The following GPR19 variants were observed in gnomAD, a reference collection of about 807,000 sequenced individuals.
The protein encoded by GPR19 is G protein-coupled receptor 19.
Under a neutral mutation model 28.5 loss-of-function variants are expected in GPR19, and 14 were observed. That is an observed-to-expected ratio of 0.49 (90% CI 0.32 to 0.77). The LOEUF (loss-of-function observed/expected upper bound fraction) is 0.77, where lower values mean the gene tolerates loss of function less well. GPR19 is among the 30% of genes least tolerant of loss of function. The pLI is 0.03. For missense variants in GPR19, 409 were observed against 504.1 expected (o/e 0.81, Z 1.81); for synonymous variants, 173 against 184.1 (o/e 0.94, Z 0.49).
intron 2 of GPR19, among the ~76,000 whole-genome samples, chr12:12,693,827 G>A (rs1322353750): frequency 1.3e-4 from 19 of 151,990 alleles, no homozygotes; most frequent in Non-Finnish European, 8.8e-5. Flanking sequence ...CTCAGCCTCC[G>A]GAGTAGTTGG....
Position 12,660,946 on chromosome 12 carries a change from T to G in GPR19, c.*255A>C, listed in dbSNP as rs1044438370. Reference sequence around the variant, plus strand: ...CCAACAGTAAATAGTAAGAAAGCATTTTCTTTTTTATGCATGTAACTAATA... The same window carrying G: ...CCAACAGTAAATAGTAAGAAAGCATGTTCTTTTTTATGCATGTAACTAATA... On this transcript the variant is annotated 3_prime_UTR_variant, in exon 4 of 4. Transcript: ENST00000651487. 3 of 347,238 alleles carry G rather than the reference T, an allele frequency of 8.6e-6. No individual in the cohort carries two copies. The highest frequency in any genetic ancestry group is 6.3e-5 in the African/African-American group (3 of 47,366). 21.5% of individuals were successfully genotyped at this position (347,238 alleles called of 1,614,324 possible). A position where few individuals can be genotyped will look rare whatever the true frequency, so the allele number is the denominator to read the frequency against.
intron 3 of GPR19, among the ~76,000 whole-genome samples, chr12:12,669,631 A>T (rs1359480468): frequency 6.6e-6 from 1 of 152,202 alleles, no homozygotes; most frequent in East Asian, 1.9e-4. Flanking sequence ...TCATGTTGGC[A>T]TCATGAAGCA....
chr12:12,697,664 T>C (rs1946286714), upstream of GPR19, among the ~76,000 whole-genome samples: 1 of 152,238 alleles, frequency 6.6e-6, no homozygotes, highest in Non-Finnish European at 1.5e-5. Context: ...GCAGAGAATA[T>C]GTATGGACAT....
At chr12:12,671,234 A>G (rs1282868647) in intron 3 of GPR19, among the ~76,000 whole-genome samples, 2 of 151,630 alleles carry the variant, frequency 1.3e-5, no homozygotes, top group Non-Finnish European at 2.9e-5. Context: ...TGAACCAGGG[A>G]GGCAGAGGTT....
At chr12:12,697,159 A>AAAAAAAAC (rs1946278335), upstream of GPR19, among the ~76,000 whole-genome samples, 1 of 147,314 alleles carries the variant, frequency 6.8e-6, no homozygotes, top group African/African-American at 2.5e-5. Flanking sequence ...GAAGTAAAAA[A>AAAAAAAAC]AAAAAAAAAA....
intron 3 of GPR19, among the ~76,000 whole-genome samples, chr12:12,677,238 G>A (rs543666052): frequency 4.3e-5 from 6 of 140,536 alleles, no homozygotes; most frequent in Admixed American, 7.5e-5. Context: ...ACAGAGTCTC[G>A]TTCTGTCTCC....
rs777599600 is a variant in GPR19, at chr12:12,662,373, G to T, written c.76C>A (p.Arg26Ser). ...IPTLLVPLQN[R>S]SCTETATPLP... ...GGTGTGGCTGTTTCAGTGCAGCTGCGGTTTTGGAGGGGCACCAGAAGTGTA... is the reference window on the plus strand; with the variant it reads ...GGTGTGGCTGTTTCAGTGCAGCTGCTGTTTTGGAGGGGCACCAGAAGTGTA... The change falls in exon 4 of 4, where the codon CGC (arginine) becomes AGC (serine). Residue 26 changes from arginine (R) to serine (S), a missense_variant. Arg to Ser is a moderately radical substitution (Grantham distance 110). Coordinates refer to ENST00000651487, the MANE Select transcript of GPR19 (RefSeq NM_006143.3). The T allele has an allele frequency of 6.2e-7, 1 of 1,614,068 alleles. No individual in the cohort carries two copies. The highest frequency in any genetic ancestry group is 8.5e-7 in the Non-Finnish European group (1 of 1,180,032).
intron 3 of GPR19, among the ~76,000 whole-genome samples, chr12:12,679,850 T>C (rs1161265120): frequency 6.6e-6 from 1 of 152,196 alleles, no homozygotes; most frequent in African/African-American, 2.4e-5. Context: ...TTTGTGCTTA[T>C]TGGGTGTCTT....
intron 3 of GPR19, among the ~76,000 whole-genome samples, chr12:12,678,573 T>A (rs1945971217): frequency 6.6e-6 from 1 of 152,204 alleles, no homozygotes; most frequent in Admixed American, 6.5e-5. Flanking sequence ...TTAATAAGAA[T>A]CTACTAATGA....
In GPR19 at chr12:12,666,964, A is replaced by G. The variant is rs374444591; in HGVS notation, c.-22-4494T>C. 3.7e-4 allele frequency among the ~76,000 whole-genome samples: 56 copies of G among 152,340 alleles called. No homozygotes were observed. In the East Asian group the frequency reaches 0.01, roughly 28 times the overall value. The stretch of plus-strand genomic sequence containing the variant: ...GCCAAGGTAATTTAGGTGTCCTCAG[A>G]CAGGTTCTTGCACTTTCCTCCCAGA... On this transcript the variant is annotated intron_variant, in intron 3 of 3. Transcript: ENST00000651487.
upstream of GPR19, among the ~76,000 whole-genome samples, chr12:12,696,711 G>A (rs1378676831): frequency 1.3e-5 from 2 of 152,356 alleles, no homozygotes; most frequent in Non-Finnish European, 2.9e-5. Flanking sequence ...TTGTTTACCA[G>A]TCCAGGCGAA....
chr12:12,676,186 A>G (rs1208440167), intron 3 of GPR19, among the ~76,000 whole-genome samples: 2 of 152,196 alleles, frequency 1.3e-5, no homozygotes, highest in Non-Finnish European at 2.9e-5. Context: ...CTGGGTTCTA[A>G]TTCTGATTAT....
upstream of GPR19, among the ~76,000 whole-genome samples, chr12:12,698,290 C>G (rs1196789343): frequency 2.0e-5 from 3 of 152,124 alleles, no homozygotes; most frequent in Non-Finnish European, 4.4e-5. Flanking sequence ...TTAGTCTGCC[C>G]CGTGACTCAG....
chr12:12,677,521 C>T lies in GPR19; in HGVS notation c.-23+6830G>A, dbSNP rs1592260613. Among the ~76,000 whole-genome samples the T allele has an allele frequency of 2.6e-5, 4 of 152,028 alleles. No individual in the cohort carries two copies. The South Asian group carries it at 8.3e-4, about 32-fold the overall frequency. ...TGAACTCCTTGCCTCAAGTGATCCA[C>T]CCGCCTTGGCCTCCCAAAGTGCTGG... is the stretch of plus-strand genomic sequence containing the variant. On this transcript the variant is annotated intron_variant, in intron 3 of 3. Coordinates refer to ENST00000651487, the MANE Select transcript of GPR19 (RefSeq NM_006143.3).
Position 12,662,244 on chromosome 12 carries a change from T to C in GPR19, c.205A>G (p.Ser69Gly), listed in dbSNP as rs749871789. 3.1e-6 allele frequency: 5 copies of C among 1,614,120 alleles called. No homozygotes were observed. The highest frequency in any genetic ancestry group is 1.6e-4 in the Middle Eastern group (1 of 6,084). ...VLKPGEVATA[S>G]IFFGILWLFS... is the part of the protein sequence containing the mutation. ...AACCACAGAATCCCAAAGAAGATGC[T>C]GGCTGTGGCCACTTCCCCGGGTTTC... Residue 69 changes from serine to glycine, a missense_variant, in exon 4 of 4, where the codon AGC becomes GGC. By Grantham distance (56) the Ser-to-Gly change is moderately conservative. Coordinates refer to ENST00000651487, the MANE Select transcript of GPR19 (RefSeq NM_006143.3).
At chr12:12,664,142 A>G (rs1945723477) in intron 3 of GPR19, among the ~76,000 whole-genome samples, 1 of 151,974 alleles carries the variant, frequency 6.6e-6, no homozygotes, top group South Asian at 2.1e-4. Context: ...GGCGCGTGCC[A>G]CCATGCCTGG....
At chr12:12,674,569 A>T (rs1405185975) in intron 3 of GPR19, among the ~76,000 whole-genome samples, 1 of 152,214 alleles carries the variant, frequency 6.6e-6, no homozygotes, top group East Asian at 1.9e-4. Context: ...TGAGAGCAAG[A>T]GAGAAAAAGT....
At chr12:12,699,659 G>A (rs139516963), upstream of GPR19, among the ~76,000 whole-genome samples, 2 of 152,308 alleles carry the variant, frequency 1.3e-5, no homozygotes, top group African/African-American at 4.8e-5. Flanking sequence ...TCTTCAGCAC[G>A]AGAGGGGAAA....
the GPR19 span, among the ~76,000 whole-genome samples, chr12:12,709,353 T>C: frequency 1.3e-5 from 2 of 152,206 alleles, no homozygotes; most frequent in African/African-American, 4.8e-5. Flanking sequence ...GTGGTCTCTC[T>C]TCTCTGCCCC....
Sources: allele counts gnomAD v4.1 joint callset (sites outside exome capture counted in the v4.1 genomes callset), GRCh38; gene constraint gnomAD v4.1.1; transcripts MANE v1.5; gene names NCBI Gene and HGNC (gene_info 2026-07-23, HGNC 2026-07-21).